AFG2A: variants seen among roughly 807,000 people sequenced by gnomAD.
AFG2A encodes the protein ATPase family gene 2 protein homolog A.
the AFG2A span, among the ~76,000 whole-genome samples, chr4:123,204,003 CTTCAAAGGAGCAATG>C: frequency 1.3e-5 from 2 of 152,192 alleles, no homozygotes; most frequent in Admixed American, 1.3e-4. Context: ...CTTCCTTCAT[CTTCAAAGGAGCAATG>C]TTGCATCTCT....
At chr4:123,119,874 C>A in the AFG2A span, among the ~76,000 whole-genome samples, 2 of 152,094 alleles carry the variant, frequency 1.3e-5, no homozygotes, top group Admixed American at 1.3e-4. Context: ...GGAAACTTAA[C>A]AATCATGGCG....
the AFG2A span, among the ~76,000 whole-genome samples, chr4:123,301,158 T>C: frequency 1.3e-5 from 2 of 152,206 alleles, no homozygotes; most frequent in Non-Finnish European, 2.9e-5. Flanking sequence ...ATATATAATA[T>C]GTATACATGG....
At chr4:123,139,888 GT>G in the AFG2A span, among the ~76,000 whole-genome samples, 4 of 151,784 alleles carry the variant, frequency 2.6e-5, no homozygotes, top group African/African-American at 9.7e-5. Flanking sequence ...AGCTTTTTCT[GT>G]TTTCAGACTG....
chr4:123,011,760 A>G, the AFG2A span, among the ~76,000 whole-genome samples: 1 of 152,168 alleles, frequency 6.6e-6, no homozygotes, highest in Non-Finnish European at 1.5e-5. Context: ...AAGGGAGAAG[A>G]AGGAGGAATG....
the AFG2A span, among the ~76,000 whole-genome samples, chr4:122,947,854 A>G: frequency 6.6e-6 from 1 of 152,212 alleles, no homozygotes; most frequent in African/African-American, 2.4e-5. Context: ...TAGTATCACA[A>G]CTACAGTTGA....
At chr4:123,041,830 A>G in the AFG2A span, among the ~76,000 whole-genome samples, 11 of 152,166 alleles carry the variant, frequency 7.2e-5, no homozygotes, top group Non-Finnish European at 1.0e-4. Context: ...ATCTGGCCTG[A>G]AACAGTTTTT....
the AFG2A span, among the ~76,000 whole-genome samples, chr4:122,955,286 T>C: frequency 1.4e-4 from 21 of 152,168 alleles, no homozygotes; most frequent in Non-Finnish European, 2.9e-4. Context: ...TCTTAAGTTA[T>C]TGCTCTCAGG....
chr4:123,209,179 A>T, the AFG2A span, among the ~76,000 whole-genome samples: 5 of 152,160 alleles, frequency 3.3e-5, no homozygotes, highest in African/African-American at 1.2e-4. Flanking sequence ...TTTATAGCTC[A>T]TCAGTCAGAA....
At chr4:122,945,117 T>C in the AFG2A span, among the ~76,000 whole-genome samples, 3 of 152,212 alleles carry the variant, frequency 2.0e-5, no homozygotes, top group African/African-American at 4.8e-5. Context: ...GCAGTCTGCC[T>C]GTTCTCAGAT....
the AFG2A span, among the ~76,000 whole-genome samples, chr4:122,953,256 G>A: frequency 1.3e-5 from 2 of 152,190 alleles, no homozygotes; most frequent in South Asian, 2.1e-4. Flanking sequence ...TTCTCAAGAT[G>A]TATTCCAAGA....
the AFG2A span, among the ~76,000 whole-genome samples, chr4:123,119,751 CT>C: frequency 1.3e-5 from 2 of 152,060 alleles, no homozygotes; most frequent in African/African-American, 4.8e-5. Context: ...ATTTTTATGT[CT>C]TCTGTATTAG....
At chr4:123,205,298 A>G in the AFG2A span, among the ~76,000 whole-genome samples, 1 of 152,174 alleles carries the variant, frequency 6.6e-6, no homozygotes, top group Non-Finnish European at 1.5e-5. Flanking sequence ...CTTAGCTTAC[A>G]TCCCACCTCA....
chr4:123,069,050 A>C, the AFG2A span, among the ~76,000 whole-genome samples: 1 of 152,220 alleles, frequency 6.6e-6, no homozygotes, highest in East Asian at 1.9e-4. Context: ...TAAATTTAAA[A>C]GTGGGTTCGA....
At chr4:123,075,988 C>CAAAAAAAAAAACA in the AFG2A span, among the ~76,000 whole-genome samples, 1 of 134,148 alleles carries the variant, frequency 7.5e-6, no homozygotes, top group East Asian at 2.1e-4. Flanking sequence ...AAAAAAAAAA[C>CAAAAAAAAAAACA]AAAAAAAAAA....
At chr4:123,118,969 A>G in the AFG2A span, among the ~76,000 whole-genome samples, 12 of 152,084 alleles carry the variant, frequency 7.9e-5, no homozygotes, top group Non-Finnish European at 1.5e-4. Context: ...TTTCTAAACC[A>G]TATTTTATTA....
chr4:123,068,341 A>T, the AFG2A span, among the ~76,000 whole-genome samples: 1 of 152,218 alleles, frequency 6.6e-6, no homozygotes, highest in South Asian at 2.1e-4. Context: ...AATAAAGAGC[A>T]AAGGCCGTAT....
the AFG2A span, among the ~76,000 whole-genome samples, chr4:123,076,981 TG>T: frequency 6.8e-6 from 1 of 146,088 alleles, no homozygotes; most frequent in Non-Finnish European, 1.5e-5. Flanking sequence ...TGTGTGGTGG[TG>T]GTGGGGCGGG....
the AFG2A span, among the ~76,000 whole-genome samples, chr4:123,126,704 A>G: frequency 6.6e-6 from 1 of 152,230 alleles, no homozygotes; most frequent in African/African-American, 2.4e-5. Flanking sequence ...CATGTGAAGA[A>G]GGATGTGTTT....
At chr4:123,137,695 A>C in the AFG2A span, among the ~76,000 whole-genome samples, 2 of 151,964 alleles carry the variant, frequency 1.3e-5, no homozygotes, top group African/African-American at 4.8e-5. Context: ...ATAAATTTCC[A>C]TATGTTTGGG....
Sources: gnomAD v4.1 joint callset for allele counts (sites outside exome capture counted in the v4.1 genomes callset) on GRCh38, gnomAD v4.1.1 for gene constraint, MANE v1.5 for transcripts, NCBI Gene and HGNC (gene_info 2026-07-23, HGNC 2026-07-21) for gene names.